Variants in CNTLN observed in about 807,000 individuals in gnomAD.
CNTLN encodes the protein centlein, centrosomal protein.
CNTLN carries 212 observed loss-of-function variants against 180.0 expected under a neutral mutation model. That is an observed-to-expected ratio of 1.18 (90% CI 1.05 to 1.32). CNTLN has a LOEUF of 1.32. Among genes scored for constraint, CNTLN ranks in the 40% most tolerant of loss-of-function variants. The pLI is 0.00. For missense variants in CNTLN, 2,095 were observed against 1,610.9 expected (o/e 1.30, Z -5.14); for synonymous variants, 722 against 563.1 (o/e 1.28, Z -3.99).
chr9:17,359,482 AAGT>A (rs1823120172), intron 12 of CNTLN, among the ~76,000 whole-genome samples: 1 of 151,950 alleles, frequency 6.6e-6, no homozygotes, highest in Non-Finnish European at 1.5e-5. Flanking sequence ...ATGTCCAGGA[AAGT>A]AGTAGTACTC....
chr9:17,376,112 T>G (rs1481156342), intron 13 of CNTLN, among the ~76,000 whole-genome samples: 1 of 152,188 alleles, frequency 6.6e-6, no homozygotes, highest in Admixed American at 6.5e-5. Flanking sequence ...TTTAACACCT[T>G]TAATTTTTAT....
chr9:17,352,603 G>T (rs75931249), intron 12 of CNTLN, among the ~76,000 whole-genome samples: 3 of 151,898 alleles, frequency 2.0e-5, no homozygotes, highest in Non-Finnish European at 2.9e-5. Context: ...GAATTCAGTG[G>T]CATTTAGTGC....
At chr9:17,260,367 A>G (rs193291647) in intron 5 of CNTLN, among the ~76,000 whole-genome samples, 38 of 151,208 alleles carry the variant, frequency 2.5e-4, no homozygotes, top group Middle Eastern at 3.4e-3. Context: ...CTGTTCTTTT[A>G]CATTTGCTGA....
At chr9:17,338,331 A>ATTTTTTT (rs1238106698) in intron 10 of CNTLN, among the ~76,000 whole-genome samples, 494 of 27,274 alleles carry the variant, frequency 0.018, 6 homozygotes, top group Non-Finnish European at 0.033. Context: ...CTCCTGGCTA[A>ATTTTTTT]TTTTTGTTTT....
At chr9:17,350,762 T>C (rs1460714053) in intron 12 of CNTLN, among the ~76,000 whole-genome samples, 1 of 152,108 alleles carries the variant, frequency 6.6e-6, no homozygotes, top group Admixed American at 6.5e-5. Context: ...AGCCACTCAG[T>C]CCATCATGAG....
At chr9:17,240,886 T>C (rs1825443489) in intron 5 of CNTLN, among the ~76,000 whole-genome samples, 1 of 151,834 alleles carries the variant, frequency 6.6e-6, no homozygotes, top group African/African-American at 2.4e-5. Flanking sequence ...TGAGGTGGAG[T>C]CTCGCTCTGT....
chr9:17,461,924 AC>A (rs1831473229), intron 19 of CNTLN, among the ~76,000 whole-genome samples: 1 of 151,794 alleles, frequency 6.6e-6, no homozygotes, highest in African/African-American at 2.4e-5. Context: ...CACTCTAGTT[AC>A]CACCTCTGGT....
chr9:17,196,827 T>G lies in CNTLN; in HGVS notation c.450-29376T>G, dbSNP rs535575618. On this transcript the variant is annotated intron_variant, in intron 2 of 25. Coordinates refer to ENST00000380647, the MANE Select transcript of CNTLN (RefSeq NM_017738.4). ...CCCATCAGAGTAAATGGGGTGTACA[T>G]TACCTCAAGCATTTATACTTTGTGT... Among the ~76,000 whole-genome samples, 171 of 152,196 alleles carry G rather than the reference T, an allele frequency of 1.1e-3. 3 individuals are homozygous for G. Among genetic ancestry groups the G allele is most frequent in the Non-Finnish European group, 1.1e-3 (73 of 68,002 alleles).
At chr9:17,520,608 G>C in the CNTLN span, among the ~76,000 whole-genome samples, 1 of 152,190 alleles carries the variant, frequency 6.6e-6, no homozygotes, top group Non-Finnish European at 1.5e-5. Flanking sequence ...ATGCAATCCA[G>C]CATAGTTAAT....
At position 17,426,763 on chromosome 9, in the gene CNTLN, T is replaced by C. The variant is rs1330906909; in HGVS notation, c.3114+10574T>C. ...TGAGCCAGGATGGGATGTTTCTACA[T>C]GTGTGTACAGTTTTAATTTGCAGCT... On this transcript the variant is annotated intron_variant, in intron 18 of 25. Coordinates refer to ENST00000380647, the MANE Select transcript of CNTLN (RefSeq NM_017738.4). Among the ~76,000 whole-genome samples, 3 of 152,084 alleles carry C rather than the reference T, an allele frequency of 2.0e-5. No individual in the cohort carries two copies. In the East Asian group the frequency reaches 5.8e-4, roughly 29 times the overall value.
chr9:17,382,029 G>C (rs1291588351), intron 13 of CNTLN, among the ~76,000 whole-genome samples: 1 of 152,096 alleles, frequency 6.6e-6, no homozygotes, highest in South Asian at 2.1e-4. Flanking sequence ...ATCCATGAAG[G>C]TATCCATGAA....
intron 2 of CNTLN, among the ~76,000 whole-genome samples, chr9:17,202,044 C>T (rs534344373): frequency 7.9e-5 from 12 of 152,262 alleles, no homozygotes; most frequent in African/African-American, 2.6e-4. Flanking sequence ...TCTTTGTTCT[C>T]ATTGTTTTCA....
chr9:17,178,447 C>T (rs535595243), intron 2 of CNTLN, among the ~76,000 whole-genome samples: 59 of 152,278 alleles, frequency 3.9e-4, no homozygotes, highest in Non-Finnish European at 5.7e-4. Context: ...TGGGACTGGG[C>T]GCCCTGGAAT....
chr9:17,390,519 C>T (rs967368570), intron 14 of CNTLN, among the ~76,000 whole-genome samples: 12 of 152,028 alleles, frequency 7.9e-5, no homozygotes, highest in Non-Finnish European at 1.5e-4. Context: ...GCTGGGATTA[C>T]AGGCATGAGC....
rs190638693 is a variant in CNTLN at position 17,190,512 on chromosome 9, A to G, written c.450-35691A>G. ...ATTAAAATTTTTCATTTAAATTACC[A>G]GATATAAAAAGTTTAGCACATTTCT... On this transcript the variant is annotated intron_variant, in intron 2 of 25. Coordinates refer to ENST00000380647, the MANE Select transcript of CNTLN (RefSeq NM_017738.4). 6.3e-3 allele frequency among the ~76,000 whole-genome samples: 956 copies of G among 152,270 alleles called. 7 individuals are homozygous for G. Among genetic ancestry groups the G allele is most frequent in the Non-Finnish European group, 7.7e-3 (524 of 68,020 alleles).
intron 12 of CNTLN, among the ~76,000 whole-genome samples, chr9:17,349,925 A>G (rs533998900): frequency 2.0e-4 from 31 of 152,320 alleles, no homozygotes; most frequent in Non-Finnish European, 4.3e-4. Context: ...AAATAGGGGT[A>G]TCTGCCATTT....
At chr9:17,356,516 G>T (rs1660436764) in intron 12 of CNTLN, among the ~76,000 whole-genome samples, 1 of 152,170 alleles carries the variant, frequency 6.6e-6, no homozygotes, top group Non-Finnish European at 1.5e-5. Flanking sequence ...GACTCTTGAT[G>T]CTCTAAAAGT....
At chr9:17,165,351 T>C (rs987705232) in intron 2 of CNTLN, among the ~76,000 whole-genome samples, 1 of 152,092 alleles carries the variant, frequency 6.6e-6, no homozygotes, top group Non-Finnish European at 1.5e-5. Flanking sequence ...GTTTTAAAAG[T>C]GTAGAAGCAC....
At chr9:17,423,112 A>G (rs1828837831) in intron 18 of CNTLN, among the ~76,000 whole-genome samples, 1 of 152,102 alleles carries the variant, frequency 6.6e-6, no homozygotes, top group African/African-American at 2.4e-5. Context: ...GAGTTGGGAG[A>G]GGGGTGACTG....
Sources: allele counts gnomAD v4.1 joint callset (sites outside exome capture counted in the v4.1 genomes callset), GRCh38; gene constraint gnomAD v4.1.1; transcripts MANE v1.5; gene names NCBI Gene and HGNC (gene_info 2026-07-23, HGNC 2026-07-21).